Variants in EML5 observed in about 807,000 individuals in gnomAD.
EML5 encodes echinoderm microtubule-associated protein-like 5.
Under a neutral mutation model 250.0 loss-of-function variants are expected in EML5, and 120 were observed. The observed-to-expected ratio is 0.48, with a 90% confidence interval of 0.41 to 0.56. The LOEUF is 0.56. Among genes scored for constraint, EML5 ranks in the 20% least tolerant of loss-of-function variants. The pLI is 0.00. For missense variants in EML5, 2,006 were observed against 2,437.6 expected (o/e 0.82, Z 3.73); for synonymous variants, 771 against 806.5 (o/e 0.96, Z 0.75).
intron 32 of EML5, among the ~76,000 whole-genome samples, chr14:88,638,140 A>T (rs539789179): frequency 6.6e-6 from 1 of 152,382 alleles, no homozygotes; most frequent in African/African-American, 2.4e-5. Context: ...AAACGTATTG[A>T]AGTTTATGAA....
Position 88,706,318 on chromosome 14 carries a change from A to C in EML5, c.1766T>G (p.Phe589Cys), listed in dbSNP as rs1298683552. Residue 589 changes from phenylalanine to cysteine, a missense_variant, in exon 11 of 44, where the codon TTT becomes TGT. By Grantham distance (205) the Phe-to-Cys change is radical (BLOSUM62 -2). Coordinates refer to ENST00000554922, the MANE Select transcript of EML5 (RefSeq NM_183387.3). ...TCTTTCAGGAATAAATTTCCACTGA[A>C]AGACAGAGTGATCTGCTCCACCAAT... The part of the protein sequence containing the change: ...ISIGGADHSV[F>C]QWKFIPERKL... The C allele has an allele frequency of 8.1e-6, 13 of 1,610,042 alleles. No homozygotes were observed. Among genetic ancestry groups the C allele is most frequent in the Non-Finnish European group, 1.1e-5 (13 of 1,178,204 alleles).
chr14:88,749,011 A>AG, intron 2 of EML5, among the ~76,000 whole-genome samples: 1 of 151,976 alleles, frequency 6.6e-6, no homozygotes, highest in Non-Finnish European at 1.5e-5. Flanking sequence ...AAAAAAAAAA[A>AG]CTGAAGAAAT....
intron 1 of EML5, among the ~76,000 whole-genome samples, chr14:88,776,028 T>C (rs1213626005): frequency 6.6e-6 from 1 of 152,200 alleles, no homozygotes; most frequent in Non-Finnish European, 1.5e-5. Context: ...AGGTGGCACC[T>C]CTATGAGTCT....
At chr14:88,776,827 G>A (rs1389061881) in intron 1 of EML5, among the ~76,000 whole-genome samples, 1 of 152,114 alleles carries the variant, frequency 6.6e-6, no homozygotes, top group Non-Finnish European at 1.5e-5. Flanking sequence ...GTTGCAGTGA[G>A]CTGAGATTAT....
intron 1 of EML5, among the ~76,000 whole-genome samples, chr14:88,757,244 A>C (rs1356682207): frequency 1.3e-5 from 2 of 152,226 alleles, no homozygotes; most frequent in Non-Finnish European, 2.9e-5. Context: ...CATTTCAACA[A>C]ATAGTACTGG....
rs761763917 is a variant in EML5 at position 88,792,369 on chromosome 14, C to A, written c.135G>T (p.Val45=). ...EIVYFVAGVG[V]VYSPREHRQK... Reference sequence around the variant, plus strand: ...GCCTGTGCTCCCGCGGGCTGTACACCACGCCGACCCCCGCCACGAAGTATA... The same window carrying A: ...GCCTGTGCTCCCGCGGGCTGTACACAACGCCGACCCCCGCCACGAAGTATA... Residue 45 remains valine (V), a synonymous_variant, in exon 1 of 44, where the codon GTG becomes GTT. Coordinates refer to ENST00000554922, the MANE Select transcript of EML5 (RefSeq NM_183387.3). This position sits in a 1 kb window ranked among gnomAD's most constrained non-coding sequence, Gnocchi z 6.9. 2 of 1,564,250 alleles carry A rather than the reference C, an allele frequency of 1.3e-6. No individual in the cohort carries two copies. Among genetic ancestry groups the A allele is most frequent in the South Asian group, 1.2e-5 (1 of 85,162 alleles).
chr14:88,673,466 CA>C (rs2092520141), intron 21 of EML5, among the ~76,000 whole-genome samples: 1 of 152,202 alleles, frequency 6.6e-6, no homozygotes, highest in Non-Finnish European at 1.5e-5. Context: ...AAAACCAGCA[CA>C]AGACAAGGAT....
intron 40 of EML5, 107 bp from the exon 41 acceptor site, chr14:88,618,438 C>T: frequency 8.7e-7 from 1 of 1,143,678 alleles, no homozygotes; most frequent in Non-Finnish European, 1.3e-6. Context: ...ACATGTCTAA[C>T]ATTATTAAGT....
At chr14:88,622,833 T>G (rs570487032) in intron 36 of EML5, 115 bp from the exon 37 acceptor site, 1 of 567,458 alleles carries the variant, frequency 1.8e-6, no homozygotes, top group East Asian at 3.3e-5. Flanking sequence ...CCCTGATATT[T>G]ATAATTTACC....
intron 2 of EML5, 31 bp downstream of exon 2, chr14:88,754,481 A>G: frequency 6.4e-7 from 1 of 1,555,148 alleles, no homozygotes; most frequent in Non-Finnish European, 8.6e-7. Context: ...TTAACATACA[A>G]TTTAGAAAAA....
Position 88,792,511 on chromosome 14 carries a change from C to G in EML5, c.-8G>C. ...GGCGCTCCGGGCCGCCATGTCGGGG[C>G]GCCCACCCGCCGCTCCCGCTCGGGC... On this transcript the variant is annotated 5_prime_UTR_variant, in exon 1 of 44. Transcript: ENST00000554922. The surrounding 1 kb of genome is among the most constrained non-coding windows in gnomAD (Gnocchi z 6.9). 1 of 1,344,798 alleles carries G rather than the reference C, an allele frequency of 7.4e-7. No individual in the cohort carries two copies. The highest frequency in any genetic ancestry group is 9.6e-7 in the Non-Finnish European group (1 of 1,040,278). 83.3% of individuals were successfully genotyped at this position (1,344,798 alleles called of 1,614,324 possible). A position where few individuals can be genotyped will look rare whatever the true frequency, so the allele number is the denominator to read the frequency against.
At chr14:88,628,614 AATACT>A in intron 33 of EML5, among the ~76,000 whole-genome samples, 1 of 152,240 alleles carries the variant, frequency 6.6e-6, no homozygotes, top group Non-Finnish European at 1.5e-5. Context: ...AAGCAATAAA[AATACT>A]AAAGTGCATT....
In EML5 at chr14:88,715,035, A is replaced by G; in HGVS notation, c.1348T>C (p.Ser450Pro). 1 of 1,613,912 alleles carries G rather than the reference A, an allele frequency of 6.2e-7. No individual in the cohort carries two copies. The highest frequency in any genetic ancestry group is 1.1e-5 in the South Asian group (1 of 91,088). ...RYKKVGECLG[S>P]LSFITHLDWS... is the part of the protein sequence containing the mutation. ...TCCAGATGAGTGATGAAACTAAGGG[A>G]TCCCAAACACTCGCCAACTTTTTTA... Residue 450 changes from serine (S) to proline (P), a missense_variant, in exon 9 of 44, where the codon TCC becomes CCC. Ser to Pro is a moderately conservative substitution (Grantham distance 74). Around this residue, in one of 7 missense-constraint regions of EML5, gnomAD observed 1,375 missense variants for 1,590.3 expected, o/e 0.86. Transcript: ENST00000554922.
intron 1 of EML5, among the ~76,000 whole-genome samples, chr14:88,775,285 G>T (rs1011824199): frequency 6.6e-6 from 1 of 151,898 alleles, no homozygotes; most frequent in East Asian, 1.9e-4. Context: ...ATGGCCATAG[G>T]GGTGGGTAGA....
At chr14:88,776,886 T>C (rs543689059) in intron 1 of EML5, among the ~76,000 whole-genome samples, 11 of 151,486 alleles carry the variant, frequency 7.3e-5, no homozygotes, top group African/African-American at 2.7e-4. Context: ...GTCTCAAAAA[T>C]GAAAAAACAG....
At chr14:88,675,040 T>C (rs774332080) in intron 21 of EML5, among the ~76,000 whole-genome samples, 1 of 152,200 alleles carries the variant, frequency 6.6e-6, no homozygotes, top group Non-Finnish European at 1.5e-5. Context: ...TTTTGCAGAG[T>C]ATAGCCCCCT....
At chr14:88,774,662 G>A (rs945799974) in intron 1 of EML5, among the ~76,000 whole-genome samples, 36 of 151,986 alleles carry the variant, frequency 2.4e-4, no homozygotes, top group Non-Finnish European at 1.2e-4. Flanking sequence ...TTTTTCTCGT[G>A]TTTCTCTGGC....
chr14:88,668,114 C>T (rs1315686932), intron 21 of EML5, among the ~76,000 whole-genome samples: 1 of 152,340 alleles, frequency 6.6e-6, no homozygotes, highest in Middle Eastern at 3.4e-3. Context: ...ACTAGGGTTG[C>T]TGCTTTCTAT....
intron 1 of EML5, among the ~76,000 whole-genome samples, chr14:88,783,699 C>T (rs777490337): frequency 7.2e-5 from 11 of 152,046 alleles, no homozygotes; most frequent in Non-Finnish European, 1.5e-4. Context: ...AGAGACAGGC[C>T]CCAATATAAT....
Sources: gnomAD v4.1 joint callset for allele counts (sites outside exome capture counted in the v4.1 genomes callset) on GRCh38, gnomAD v4.1.1 for gene constraint, gnomAD v4.1.1 regional missense constraint, Gnocchi (gnomAD v3.1) non-coding constraint, MANE v1.5 for transcripts, NCBI Gene and HGNC (gene_info 2026-07-23, HGNC 2026-07-21) for gene names.